Variants in LMTK2 observed in about 807,000 individuals in gnomAD.
LMTK2 encodes the protein serine/threonine-protein kinase LMTK2.
In LMTK2, 37 loss-of-function variants were observed where a neutral mutation model predicts 127.5. The ratio of observed to expected loss-of-function variants is 0.29; its 90% CI spans 0.22 to 0.38. LMTK2 has a LOEUF of 0.38. LMTK2 is among the 10% of genes least tolerant of loss of function. The probability of loss-of-function intolerance (pLI) is 1.00; values close to 1 mark genes in which losing one functional copy is unlikely to be tolerated. For synonymous variants in LMTK2, 819 were observed against 810.1 expected, an observed-to-expected ratio of 1.01 and a Z score of -0.19; for missense variants, 1,694 against 1,920.3, an observed-to-expected ratio of 0.88 and a Z score of 2.20.
rs1797847365 is a variant in LMTK2 at position 98,208,867 on chromosome 7, T to C, written c.*3375T>C. On this transcript the variant is annotated 3_prime_UTR_variant, in exon 14 of 14. Transcript: ENST00000297293. ...TAGAAATGGGTTTATCTAAGAAAAG[T>C]CTTGGTTTGTCTTGCTGCTGTAAAA... 6.6e-6 allele frequency: 1 copy of C among 152,256 alleles called. No individual in the cohort carries two copies. Among genetic ancestry groups the C allele is most frequent in the Non-Finnish European group, 1.5e-5 (1 of 68,042 alleles). The allele number at this position is 152,256 out of a possible 1,614,324, so 9.4% of individuals were successfully genotyped here. A position where few individuals can be genotyped will look rare whatever the true frequency, so the allele number is the denominator to read the frequency against.
intron 7 of LMTK2, among the ~76,000 whole-genome samples, chr7:98,179,495 G>A (rs1445818187): frequency 1.3e-5 from 2 of 152,194 alleles, no homozygotes; most frequent in Non-Finnish European, 2.9e-5. Context: ...TATCTCTGCA[G>A]TCGCAGCTGT....
At position 98,205,478 on chromosome 7, in the gene LMTK2, G is replaced by A. The variant is rs372382281; in HGVS notation, c.4498G>A (p.Gly1500Arg). 17 of 1,613,430 alleles carry A rather than the reference G, an allele frequency of 1.1e-5. No individual in the cohort carries two copies. Among genetic ancestry groups the A allele is most frequent in the Non-Finnish European group, 1.4e-5 (16 of 1,180,020 alleles). ...DIEQGGSSED[G>R]EKD Reference sequence around the variant, plus strand: ...CTCCTCAACAGGAAGCAGCGAAGACGGAGAAAAGGACTAGGTGGCTGCCAA... The same window carrying A: ...CTCCTCAACAGGAAGCAGCGAAGACAGAGAAAAGGACTAGGTGGCTGCCAA... Residue 1500 changes from glycine to arginine, a missense_variant, in exon 14 of 14, where the codon GGA (glycine) becomes AGA (arginine). Physicochemically the swap from Gly to Arg is moderately radical, Grantham distance 125. Transcript: ENST00000297293.
At chr7:98,169,222 C>A (rs1051056294) in intron 6 of LMTK2, among the ~76,000 whole-genome samples, 4 of 152,210 alleles carry the variant, frequency 2.6e-5, no homozygotes, top group Non-Finnish European at 5.9e-5. Context: ...CTTTGATGTT[C>A]TTCCCTATTC....
At chr7:98,107,333 A>T in intron 1 of LMTK2, 53 bp downstream of exon 1, 1 of 619,636 alleles carries the variant, frequency 1.6e-6, no homozygotes, top group Non-Finnish European at 1.8e-6. Context: ...CGTGGAGGGG[A>T]GGGGGCGGCA....
rs553623219 is a variant in LMTK2 at position 98,192,430 on chromosome 7, G to T, written c.1965G>T (p.Met655Ile). The T allele has an allele frequency of 6.2e-7, 1 of 1,612,544 alleles. No individual in the cohort carries two copies. Among genetic ancestry groups the T allele is most frequent in the Non-Finnish European group, 8.5e-7 (1 of 1,179,726 alleles). Residue 655 changes from methionine (M) to isoleucine (I), a missense_variant, in exon 11 of 14, where the codon ATG becomes ATT. Coordinates refer to ENST00000297293, the MANE Select transcript of LMTK2 (RefSeq NM_014916.4). ...GTCACCAAAAAATATTCGACTTAAT[G>T]GAATTAAACGGAGTTCAAGCCGACT... ...LPSHQKIFDL[M>I]ELNGVQADFK... is the part of the protein sequence containing the mutation.
At position 98,194,038 on chromosome 7, in the gene LMTK2, G is replaced by A. The variant is rs1251681647; in HGVS notation, c.3573G>A (p.Val1191=). 6.2e-7 allele frequency: 1 copy of A among 1,614,160 alleles called. No individual in the cohort carries two copies. The highest frequency in any genetic ancestry group is 2.2e-5 in the East Asian group (1 of 44,888). Residue 1191 remains valine, a synonymous_variant, in exon 11 of 14, where the codon GTG becomes GTA. Transcript: ENST00000297293. This position sits in a 1 kb window ranked among gnomAD's most constrained non-coding sequence, Gnocchi z 5.4. ...EPAQTGVPQQ[V]HPTEDEASSP... ...CACAGACTGGTGTTCCCCAGCAGGTGCATCCCACGGAAGACGAGGCCAGCA... is the reference window on the plus strand; with the variant it reads ...CACAGACTGGTGTTCCCCAGCAGGTACATCCCACGGAAGACGAGGCCAGCA...
intron 1 of LMTK2, among the ~76,000 whole-genome samples, chr7:98,132,996 G>A (rs1425050651): frequency 6.6e-6 from 1 of 152,214 alleles, no homozygotes; most frequent in Non-Finnish European, 1.5e-5. Context: ...CAGATAATAT[G>A]TACCTACCTC....
At chr7:98,167,558 T>C (rs1797119606) in intron 6 of LMTK2, among the ~76,000 whole-genome samples, 1 of 152,246 alleles carries the variant, frequency 6.6e-6, no homozygotes, top group Admixed American at 6.5e-5. Context: ...ACGGGTTGGA[T>C]GTGGCTGCCT....
chr7:98,110,097 C>G (rs567736749), intron 1 of LMTK2, among the ~76,000 whole-genome samples: 1 of 152,188 alleles, frequency 6.6e-6, no homozygotes, highest in Admixed American at 6.5e-5. Context: ...CCTCCTTGTT[C>G]TTCTTTCTGC....
At chr7:98,155,878 A>G (rs1394542135) in intron 5 of LMTK2, among the ~76,000 whole-genome samples, 1 of 152,234 alleles carries the variant, frequency 6.6e-6, no homozygotes, top group Non-Finnish European at 1.5e-5. Context: ...TGATTGTATC[A>G]TCAAAATTAA....
At position 98,205,717 on chromosome 7, in the gene LMTK2, C is replaced by T; in HGVS notation, c.*225C>T. ...TCCAGGAGCCGGCGTCCCTCAGTGC[C>T]CCGTGCACCCGCGGCCGCGGCCTCC... is the stretch of plus-strand genomic sequence containing the variant. On this transcript the variant is annotated 3_prime_UTR_variant, in exon 14 of 14. Coordinates refer to ENST00000297293, the MANE Select transcript of LMTK2 (RefSeq NM_014916.4). The T allele has an allele frequency of 1.7e-6, 1 of 592,746 alleles. No individual in the cohort carries two copies. The highest frequency in any genetic ancestry group is 3.0e-6 in the Non-Finnish European group (1 of 332,852). 36.7% of individuals were successfully genotyped at this position (592,746 alleles called of 1,614,324 possible).
intron 4 of LMTK2, among the ~76,000 whole-genome samples, chr7:98,151,974 A>C (rs1202549955): frequency 6.6e-6 from 1 of 152,150 alleles, no homozygotes; most frequent in African/African-American, 2.4e-5. Flanking sequence ...GATCATAACA[A>C]AGGCCTTTAA....
chr7:98,129,658 G>A (rs1796494213), intron 1 of LMTK2, among the ~76,000 whole-genome samples: 2 of 152,300 alleles, frequency 1.3e-5, no homozygotes, highest in Non-Finnish European at 2.9e-5. Flanking sequence ...GAGCCACTGT[G>A]CCTAGCTCGT....
Position 98,169,471 on chromosome 7 carries a change from G to T in LMTK2, c.658-2070G>T, listed in dbSNP as rs73710383. On this transcript the variant is annotated intron_variant, in intron 6 of 13. Transcript: ENST00000297293. Reference sequence around the variant, plus strand: ...TGGGGTGGCAGTTCACTGCCTGCCAGCAGCTGCTGTTGGTTTTAGGATTGG... The same window carrying T: ...TGGGGTGGCAGTTCACTGCCTGCCATCAGCTGCTGTTGGTTTTAGGATTGG... 2.1e-3 allele frequency among the ~76,000 whole-genome samples: 325 copies of T among 152,348 alleles called. 3 individuals are homozygous for T. Among genetic ancestry groups the T allele is most frequent in the African/African-American group, 7.4e-3 (308 of 41,578 alleles).
Position 98,192,096 on chromosome 7 carries a change from A to G in LMTK2, c.1631A>G (p.Asn544Ser), listed in dbSNP as rs760565532. The change falls in exon 11 of 14, where the codon AAC becomes AGC. Residue 544 changes from asparagine (N) to serine (S), a missense_variant. Asn to Ser is a conservative substitution (Grantham distance 46). Around this residue, in one of 8 missense-constraint regions of LMTK2, gnomAD observed 216 missense variants for 266.8 expected, o/e 0.81. Coordinates refer to ENST00000297293, the MANE Select transcript of LMTK2 (RefSeq NM_014916.4). ...GTGGTTCCTGTTTTTGATGCCCACA[A>G]CCTTTCTGTTGGAAGCGACTATTAT... Reference protein sequence around the residue: ...PGVVPVFDAHNLSVGSDYYIQ... With the variant: ...PGVVPVFDAHSLSVGSDYYIQ... 1.6e-5 allele frequency: 25 copies of G among 1,561,042 alleles called. No homozygotes were observed. The highest frequency in any genetic ancestry group is 2.4e-5 in the South Asian group (2 of 82,354).
chr7:98,165,593 C>A (rs766933671), intron 6 of LMTK2, among the ~76,000 whole-genome samples: 3 of 152,184 alleles, frequency 2.0e-5, no homozygotes, highest in Non-Finnish European at 2.9e-5. Flanking sequence ...CTGGAATGAC[C>A]CGGCCCTGTG....
At chr7:98,112,217 A>C (rs1796210314) in intron 1 of LMTK2, among the ~76,000 whole-genome samples, 1 of 152,100 alleles carries the variant, frequency 6.6e-6, no homozygotes, top group African/African-American at 2.4e-5. Flanking sequence ...TTTTTTTAAG[A>C]GACAGGATCT....
At chr7:98,158,997 G>A (rs576373492) in intron 5 of LMTK2, among the ~76,000 whole-genome samples, 2 of 152,194 alleles carry the variant, frequency 1.3e-5, no homozygotes, top group African/African-American at 4.8e-5. Context: ...GTTGGAGGCT[G>A]CAGTGAGCTA....
intron 8 of LMTK2, among the ~76,000 whole-genome samples, chr7:98,186,298 T>C (rs1051381560): frequency 6.6e-6 from 1 of 152,160 alleles, no homozygotes; most frequent in African/African-American, 2.4e-5. Flanking sequence ...CCTGACTTTG[T>C]GATCCGCCCA....
Sources: allele counts gnomAD v4.1 joint callset (sites outside exome capture counted in the v4.1 genomes callset), GRCh38; gene constraint gnomAD v4.1.1; regional missense constraint gnomAD v4.1.1; non-coding constraint Gnocchi (gnomAD v3.1); transcripts MANE v1.5; gene names NCBI Gene and HGNC (gene_info 2026-07-23, HGNC 2026-07-21).